Variants in ZNF536 observed in about 807,000 individuals in gnomAD.
The protein encoded by ZNF536 is zinc finger protein 536.
A neutral mutation model predicts 84.5 loss-of-function variants in ZNF536; 13 were observed. The ratio of observed to expected loss-of-function variants is 0.15; its 90% CI spans 0.10 to 0.24. The LOEUF is 0.24. Ranked by LOEUF, ZNF536 falls within the 10% of genes least tolerant of loss-of-function variation. ZNF536 has a pLI of 1.00. For missense variants in ZNF536, 1,536 were observed against 1,747.5 expected (o/e 0.88, Z 2.16); for synonymous variants, 811 against 742.5 (o/e 1.09, Z -1.50).
intron 1 of ZNF536, among the ~76,000 whole-genome samples, chr19:30,607,033 C>T (rs997457873): frequency 5.9e-5 from 9 of 152,180 alleles, no homozygotes; most frequent in Admixed American, 5.2e-4. Context: ...TTGTACCAAC[C>T]TGGCTATCTC....
chr19:30,700,541 C>A (rs2051896486), intron 1 of ZNF536, among the ~76,000 whole-genome samples: 1 of 152,098 alleles, frequency 6.6e-6, no homozygotes, highest in Admixed American at 6.6e-5. Flanking sequence ...ATGTGTGCCA[C>A]CATACCTGGC....
At chr19:30,505,660 G>A (rs551549679) in intron 2 of ZNF536, among the ~76,000 whole-genome samples, 20 of 152,066 alleles carry the variant, frequency 1.3e-4, no homozygotes, top group Middle Eastern at 3.4e-3. Flanking sequence ...TTTTGAAAAC[G>A]ATAGCATAAG....
intron 1 of ZNF536, among the ~76,000 whole-genome samples, chr19:30,584,105 T>C (rs1209592110): frequency 6.6e-6 from 1 of 152,172 alleles, no homozygotes; most frequent in African/African-American, 2.4e-5. Flanking sequence ...ACTTTTCTCA[T>C]CTCCAACGCT....
intron 1 of ZNF536, among the ~76,000 whole-genome samples, chr19:30,604,206 G>C (rs2047792443): frequency 6.6e-6 from 1 of 152,178 alleles, no homozygotes; most frequent in African/African-American, 2.4e-5. Context: ...TGAATGACTG[G>C]TAAGATGCTA....
At chr19:30,314,199 G>A (rs138837740) in intron 2 of ZNF536, among the ~76,000 whole-genome samples, 2 of 152,222 alleles carry the variant, frequency 1.3e-5, no homozygotes, top group Admixed American at 6.5e-5. Context: ...TGGGGGCCCC[G>A]GGGACCCCTC....
At position 30,444,347 on chromosome 19, in the gene ZNF536, G is replaced by C. The variant is rs2052212832; in HGVS notation, c.785G>C (p.Ser262Thr). Residue 262 changes from serine (S) to threonine (T), a missense_variant, in exon 2 of 5, where the codon AGC becomes ACC. This residue lies in a region of ZNF536 where 138 missense variants were observed against 136.8 expected (regional missense o/e 1.01). Coordinates refer to ENST00000355537, the MANE Select transcript of ZNF536 (RefSeq NM_014717.3). ...CCGGTGCCCTCGCCCAAGCCTGCCA[G>C]CGTGCAGGAGGACGCGGTGGCCCCG... ...AHPVPSPKPA[S>T]VQEDAVAPAA... 6.3e-7 allele frequency: 1 copy of C among 1,598,254 alleles called. No homozygotes were observed. The highest frequency in any genetic ancestry group is 8.5e-7 in the Non-Finnish European group (1 of 1,177,826).
chr19:30,705,494 T>C (rs2148032620), intron 1 of ZNF536, among the ~76,000 whole-genome samples: 1 of 152,360 alleles, frequency 6.6e-6, no homozygotes, highest in Non-Finnish European at 1.5e-5. Context: ...AAGTACTTTA[T>C]ATCCATTGGA....
chr19:30,261,319 A>AG (rs1568539308), intron 1 of ZNF536, among the ~76,000 whole-genome samples: 1 of 150,822 alleles, frequency 6.6e-6, no homozygotes, highest in African/African-American at 2.4e-5. Context: ...AAAAAAAAAA[A>AG]AAAGAAAAAT....
chr19:30,289,499 G>T (rs965623863), intron 2 of ZNF536, among the ~76,000 whole-genome samples: 3 of 152,128 alleles, frequency 2.0e-5, no homozygotes, highest in Non-Finnish European at 4.4e-5. Flanking sequence ...GGACCACCCC[G>T]GGGGCCCCCG....
chr19:30,565,074 G>T (rs1214527524), intron 1 of ZNF536, among the ~76,000 whole-genome samples: 1 of 152,078 alleles, frequency 6.6e-6, no homozygotes, highest in East Asian at 1.9e-4. Context: ...AGAGGTCACC[G>T]TTGACATCTC....
chr19:30,276,526 A>T (rs2026142666), intron 1 of ZNF536, among the ~76,000 whole-genome samples: 1 of 152,120 alleles, frequency 6.6e-6, no homozygotes, highest in African/African-American at 2.4e-5. Flanking sequence ...ACACATACTC[A>T]GCTTTTTAGT....
chr19:30,667,625 C>CTTTTTTTTT (rs57656065), intron 1 of ZNF536, among the ~76,000 whole-genome samples: 8,445 of 123,342 alleles, frequency 0.068, 497 homozygotes, highest in African/African-American at 0.11. Flanking sequence ...TTTTTTCTAG[C>CTTTTTTTTT]TTTTTTTTTT....
At chr19:30,414,808 A>G (rs2050643107) in intron 1 of ZNF536, among the ~76,000 whole-genome samples, 1 of 152,226 alleles carries the variant, frequency 6.6e-6, no homozygotes, top group African/African-American at 2.4e-5. Flanking sequence ...TAATGATTTC[A>G]GAGTGAGTCT....
intron 1 of ZNF536, among the ~76,000 whole-genome samples, chr19:30,568,542 T>C (rs558695197): frequency 9.2e-5 from 14 of 152,200 alleles, no homozygotes; most frequent in Non-Finnish European, 1.9e-4. Flanking sequence ...ATTTAAAATA[T>C]GCAATTGATT....
intron 2 of ZNF536, among the ~76,000 whole-genome samples, chr19:30,306,574 G>GAATAT (rs2046349409): frequency 6.6e-6 from 1 of 152,206 alleles, no homozygotes; most frequent in Non-Finnish European, 1.5e-5. Flanking sequence ...GATTCAAGGG[G>GAATAT]AATATTTCAC....
At chr19:30,636,247 G>A (rs1004084092) in intron 1 of ZNF536, among the ~76,000 whole-genome samples, 14 of 152,074 alleles carry the variant, frequency 9.2e-5, no homozygotes, top group African/African-American at 3.4e-4. Context: ...AGATAACCAG[G>A]TCCTACGCAG....
intron 2 of ZNF536, among the ~76,000 whole-genome samples, chr19:30,527,631 A>T (rs1307699191): frequency 1.3e-5 from 2 of 151,950 alleles, no homozygotes; most frequent in Non-Finnish European, 2.9e-5. Flanking sequence ...GACCCGAGGC[A>T]TGAGTTATGT....
chr19:30,232,172 G>A (rs1181452493), intron 1 of ZNF536, among the ~76,000 whole-genome samples: 3 of 152,148 alleles, frequency 2.0e-5, no homozygotes, highest in Admixed American at 1.3e-4. Flanking sequence ...CCCCCGGCCA[G>A]TTGATGCCAT....
intron 1 of ZNF536, among the ~76,000 whole-genome samples, chr19:30,439,029 T>A (rs746213028): frequency 2.0e-5 from 3 of 152,130 alleles, no homozygotes; most frequent in Non-Finnish European, 4.4e-5. Flanking sequence ...CTCTTATGTC[T>A]GCAGCTGGAT....
Sources: allele counts gnomAD v4.1 joint callset (sites outside exome capture counted in the v4.1 genomes callset), GRCh38; gene constraint gnomAD v4.1.1; regional missense constraint gnomAD v4.1.1; transcripts MANE v1.5; gene names NCBI Gene and HGNC (gene_info 2026-07-23, HGNC 2026-07-21).